SAMD8: variants seen among roughly 807,000 people sequenced by gnomAD.
SAMD8 encodes sphingomyelin synthase-related protein 1.
SAMD8 carries 20 observed loss-of-function variants against 42.0 expected under a neutral mutation model. That is an observed-to-expected ratio of 0.48 (90% CI 0.34 to 0.69). SAMD8 has a LOEUF of 0.69. Among genes scored for constraint, SAMD8 ranks in the 30% least tolerant of loss-of-function variants. SAMD8 has a pLI of 0.01. For missense variants in SAMD8, 328 were observed against 511.6 expected, an observed-to-expected ratio of 0.64 and a Z score of 3.46; for synonymous variants, 162 against 173.0, an observed-to-expected ratio of 0.94 and a Z score of 0.50.
chr10:75,139,971 T>C (rs1386489580), intron 1 of SAMD8, among the ~76,000 whole-genome samples: 1 of 152,244 alleles, frequency 6.6e-6, no homozygotes, highest in African/African-American at 2.4e-5. Context: ...TTAATTCTTA[T>C]ATGTGGTAGA....
intron 1 of SAMD8, among the ~76,000 whole-genome samples, chr10:75,133,928 C>A (rs1316589154): frequency 2.6e-5 from 4 of 152,162 alleles, no homozygotes. Context: ...GCATAGTATT[C>A]CGTGGTGTAT....
chr10:75,143,112 G>T (rs1440448113), intron 1 of SAMD8, among the ~76,000 whole-genome samples: 2 of 152,180 alleles, frequency 1.3e-5, no homozygotes, highest in African/African-American at 4.8e-5. Context: ...ATCAAGACCA[G>T]CCTGGCCAAC....
chr10:75,111,678 G>GCCGACTCGGAGGTGGGTCCGGGGAGC lies in SAMD8; in HGVS notation c.-49_-24dup, dbSNP rs1848771821. On this transcript the variant is annotated 5_prime_UTR_variant, in exon 1 of 6. Coordinates refer to ENST00000542569, the MANE Select transcript of SAMD8 (RefSeq NM_001174156.2). Reference sequence around the variant, plus strand: ...CCCGGACTCCGACGGCGGCTCGGACGCCGACTCGGAGGTGGGTCCGGGGAG... The same window carrying GCCGACTCGGAGGTGGGTCCGGGGAGC: ...CCCGGACTCCGACGGCGGCTCGGACGCCGACTCGGAGGTGGGTCCGGGGAGCCCGACTCGGAGGTGGGTCCGGGGAG... 2.3e-5 allele frequency: 29 copies of GCCGACTCGGAGGTGGGTCCGGGGAGC among 1,239,190 alleles called. No individual in the cohort carries two copies. Among genetic ancestry groups the GCCGACTCGGAGGTGGGTCCGGGGAGC allele is most frequent in the Admixed American group, 4.2e-5 (1 of 23,718 alleles). The allele number at this position is 1,239,190 out of a possible 1,614,324, so 76.8% of individuals were successfully genotyped here.
chr10:75,176,593 C>T lies in SAMD8; in HGVS notation c.1149C>T (p.Pro383=), dbSNP rs1156584833. 5 of 1,550,550 alleles carry T rather than the reference C, an allele frequency of 3.2e-6. No individual in the cohort carries two copies. The highest frequency in any genetic ancestry group is 4.4e-6 in the Non-Finnish European group (5 of 1,146,978). The part of the protein sequence containing the change: ...QQSRRARIWF[P]MFSFFECNVN... ...GTAGGAGAGCAAGGATTTGGTTTCCCATGTTCTCTTTTTTTGAATGCAATG... is the reference window on the plus strand; with the variant it reads ...GTAGGAGAGCAAGGATTTGGTTTCCTATGTTCTCTTTTTTTGAATGCAATG... Residue 383 remains proline (P), a synonymous_variant, in exon 6 of 6, where the codon CCC becomes CCT. Transcript: ENST00000542569. This position sits in a 1 kb window ranked among gnomAD's most constrained non-coding sequence, Gnocchi z 4.3.
At chr10:75,111,600 C>T (rs1848769261), upstream of SAMD8, 2 of 1,250,082 alleles carry the variant, frequency 1.6e-6, no homozygotes, top group Admixed American at 4.1e-5. Context: ...CTCCCCGCCC[C>T]GGGCTCCGCC....
intron 1 of SAMD8, among the ~76,000 whole-genome samples, chr10:75,146,899 G>A (rs1420181427): frequency 6.6e-6 from 1 of 152,102 alleles, no homozygotes; most frequent in East Asian, 1.9e-4. Context: ...CACAGGGTTA[G>A]CTAAGTAGTG....
At chr10:75,167,595 T>A (rs1259094852) in intron 3 of SAMD8, among the ~76,000 whole-genome samples, 1 of 152,110 alleles carries the variant, frequency 6.6e-6, no homozygotes, top group Non-Finnish European at 1.5e-5. Flanking sequence ...TTTTTTTGTT[T>A]TTTATTTTTA....
intron 4 of SAMD8, among the ~76,000 whole-genome samples, chr10:75,174,152 C>T (rs1441885707): frequency 6.6e-6 from 1 of 152,060 alleles, no homozygotes; most frequent in Non-Finnish European, 1.5e-5. Flanking sequence ...CTCGCTCTGT[C>T]GCCCAGGCTA....
chr10:75,141,949 C>T (rs745821207), intron 1 of SAMD8, among the ~76,000 whole-genome samples: 3 of 151,022 alleles, frequency 2.0e-5, no homozygotes, highest in Non-Finnish European at 4.4e-5. Flanking sequence ...TTTCCTTACA[C>T]TTGCTTTTTA....
chr10:75,171,599 C>T (rs1263963714), intron 4 of SAMD8, among the ~76,000 whole-genome samples: 1 of 152,094 alleles, frequency 6.6e-6, no homozygotes, highest in East Asian at 1.9e-4. Context: ...TTGGTTGTTT[C>T]AAAATTTTAG....
At chr10:75,123,517 G>A (rs2134431905) in intron 1 of SAMD8, among the ~76,000 whole-genome samples, 1 of 152,218 alleles carries the variant, frequency 6.6e-6, no homozygotes, top group South Asian at 2.1e-4. Context: ...GATATGGCCG[G>A]ATTATAACCT....
intron 3 of SAMD8, among the ~76,000 whole-genome samples, chr10:75,165,797 G>A (rs1322176051): frequency 1.3e-5 from 2 of 150,568 alleles, no homozygotes; most frequent in Non-Finnish European, 3.0e-5. Context: ...GAAACATGAG[G>A]AGACCCTGTC....
intron 1 of SAMD8, among the ~76,000 whole-genome samples, chr10:75,117,059 C>G (rs564149946): frequency 3.3e-5 from 5 of 152,166 alleles, no homozygotes; most frequent in Admixed American, 2.0e-4. Context: ...CATCCACCCC[C>G]CTTGGCCTCC....
At chr10:75,175,340 G>T (rs189652765) in intron 4 of SAMD8, among the ~76,000 whole-genome samples, 1 of 152,242 alleles carries the variant, frequency 6.6e-6, no homozygotes, top group African/African-American at 2.4e-5. Flanking sequence ...GGGGAGAGTG[G>T]ATGTTGAAAG....
intron 3 of SAMD8, among the ~76,000 whole-genome samples, chr10:75,166,575 G>C (rs1840685995): frequency 6.6e-6 from 1 of 152,046 alleles, no homozygotes; most frequent in African/African-American, 2.4e-5. Context: ...AAGGTGAAAA[G>C]AAAGGTTGGT....
At chr10:75,107,626 G>A (rs1039203748), upstream of SAMD8, among the ~76,000 whole-genome samples, 2 of 152,120 alleles carry the variant, frequency 1.3e-5, no homozygotes, top group Non-Finnish European at 2.9e-5. Context: ...GCCCAGGCTA[G>A]AGTGAAGTGG....
In SAMD8 at chr10:75,176,730, A is replaced by G. The variant is rs1009247375; in HGVS notation, c.*38A>G. ...TAATGAATTTGTGATTAAATATATA[A>G]TAGTTGTTGAAAATGAGTAACTTTG... On this transcript the variant is annotated 3_prime_UTR_variant, in exon 6 of 6. Coordinates refer to ENST00000542569, the MANE Select transcript of SAMD8 (RefSeq NM_001174156.2). This position sits in a 1 kb window ranked among gnomAD's most constrained non-coding sequence, Gnocchi z 4.3. The G allele has an allele frequency of 7.8e-6, 11 of 1,414,608 alleles. No homozygotes were observed. The highest frequency in any genetic ancestry group is 1.0e-5 in the Non-Finnish European group (11 of 1,059,710). The allele number at this position is 1,414,608 out of a possible 1,614,324, so 87.6% of individuals were successfully genotyped here. A position where few individuals can be genotyped will look rare whatever the true frequency, so the allele number is the denominator to read the frequency against.
At chr10:75,156,061 T>C (rs1361259489) in intron 2 of SAMD8, among the ~76,000 whole-genome samples, 1 of 152,042 alleles carries the variant, frequency 6.6e-6, no homozygotes, top group Non-Finnish European at 1.5e-5. Context: ...AAATTAAAAA[T>C]TAGCTAGGTG....
intron 1 of SAMD8, among the ~76,000 whole-genome samples, chr10:75,103,006 G>A (rs1848272225): frequency 6.6e-6 from 1 of 152,112 alleles, no homozygotes; most frequent in Non-Finnish European, 1.5e-5. Context: ...CCTCCTACTC[G>A]GGAAGCTGAG....
Sources: allele counts gnomAD v4.1 joint callset (sites outside exome capture counted in the v4.1 genomes callset), GRCh38; gene constraint gnomAD v4.1.1; non-coding constraint Gnocchi (gnomAD v3.1); transcripts MANE v1.5; gene names NCBI Gene and HGNC (gene_info 2026-07-23, HGNC 2026-07-21).